RYR3: variants seen among roughly 807,000 people sequenced by gnomAD.
The protein encoded by RYR3 is brain ryanodine receptor-calcium release channel.
A neutral mutation model predicts 584.3 loss-of-function variants in RYR3; 207 were observed. The ratio of observed to expected loss-of-function variants is 0.35; its 90% CI spans 0.32 to 0.40. RYR3 has a LOEUF of 0.40. RYR3 is among the 10% of genes least tolerant of loss of function. The probability of loss-of-function intolerance (pLI) is 1.00; values close to 1 mark genes in which losing one functional copy is unlikely to be tolerated. For synonymous variants in RYR3, 2,416 were observed against 2,248.5 expected, an observed-to-expected ratio of 1.07 and a Z score of -2.11; for missense variants, 5,616 against 6,089.2, an observed-to-expected ratio of 0.92 and a Z score of 2.59.
At chr15:33,787,133 T>C (rs2152911009) in intron 66 of RYR3, among the ~76,000 whole-genome samples, 1 of 152,348 alleles carries the variant, frequency 6.6e-6, no homozygotes, top group South Asian at 2.1e-4. Flanking sequence ...CGGCCTGTTA[T>C]TCCACAGGTG....
At chr15:33,316,884 CT>C (rs1440630461) in intron 1 of RYR3, among the ~76,000 whole-genome samples, 1 of 152,224 alleles carries the variant, frequency 6.6e-6, no homozygotes, top group East Asian at 1.9e-4. Context: ...CATCCCAGAG[CT>C]GTTGGACAGC....
chr15:33,467,200 G>A (rs2048559127), intron 1 of RYR3, among the ~76,000 whole-genome samples: 2 of 152,210 alleles, frequency 1.3e-5, no homozygotes, highest in South Asian at 4.1e-4. Flanking sequence ...ATTTTCCTCT[G>A]CAGTAATAAT....
chr15:33,800,973 C>T, intron 68 of RYR3, 116 bp downstream of exon 68: 4 of 759,542 alleles, frequency 5.3e-6, no homozygotes, highest in South Asian at 1.6e-5. Flanking sequence ...TTCTGAGCCA[C>T]ATGTGAGGAC....
intron 1 of RYR3, among the ~76,000 whole-genome samples, chr15:33,361,719 A>G (rs1264764652): frequency 1.3e-5 from 2 of 152,224 alleles, no homozygotes; most frequent in African/African-American, 4.8e-5. Context: ...CACTGGGAGC[A>G]TCCTGGCTAA....
chr15:33,816,981 G>A (rs1473967517), intron 75 of RYR3, 23 bp downstream of exon 75: 1 of 1,389,586 alleles, frequency 7.2e-7, no homozygotes. Flanking sequence ...TCCCCTGGGA[G>A]CAGATATGAG....
chr15:33,323,298 C>G (rs763496730), intron 1 of RYR3, among the ~76,000 whole-genome samples: 12 of 147,392 alleles, frequency 8.1e-5, no homozygotes, highest in African/African-American at 3.2e-4. Flanking sequence ...TTAGTAGAGA[C>G]GGGGTTTCAC....
chr15:33,786,048 C>T, intron 66 of RYR3, 66 bp downstream of exon 66: 4 of 1,306,392 alleles, frequency 3.1e-6, no homozygotes, highest in Non-Finnish European at 4.2e-6. Context: ...TTTTTCATCT[C>T]TATTATTAAT....
chr15:33,454,740 G>A (rs944747904), intron 1 of RYR3, among the ~76,000 whole-genome samples: 12 of 152,146 alleles, frequency 7.9e-5, no homozygotes, highest in African/African-American at 2.9e-4. Flanking sequence ...TAGGCCAAAA[G>A]AACAGCATAT....
chr15:33,372,586 C>T (rs972488999), intron 1 of RYR3, among the ~76,000 whole-genome samples: 4 of 151,984 alleles, frequency 2.6e-5, no homozygotes, highest in African/African-American at 9.7e-5. Context: ...AGGATGGTCT[C>T]AGTCTCCTGA....
At chr15:33,610,513 G>T (rs918804383) in intron 18 of RYR3, among the ~76,000 whole-genome samples, 1 of 152,146 alleles carries the variant, frequency 6.6e-6, no homozygotes, top group Non-Finnish European at 1.5e-5. Flanking sequence ...ACTGCCTGTG[G>T]AAGAGTGGGA....
intron 1 of RYR3, among the ~76,000 whole-genome samples, chr15:33,402,531 T>C (rs1253371628): frequency 1.3e-5 from 2 of 152,256 alleles, no homozygotes; most frequent in Non-Finnish European, 2.9e-5. Flanking sequence ...ATATTCTTTA[T>C]TCATCAGTTT....
At chr15:33,569,128 C>T (rs994934870) in intron 12 of RYR3, among the ~76,000 whole-genome samples, 3 of 152,114 alleles carry the variant, frequency 2.0e-5, no homozygotes, top group African/African-American at 7.2e-5. Flanking sequence ...TGATAGTTTC[C>T]ATTTTGATTA....
At position 33,541,291 on chromosome 15, in the gene RYR3, T is replaced by C. The variant is rs1219471363; in HGVS notation, c.646+401T>C. ...GTGACATGGTTTATATTTCTCCTTA[T>C]GCATCTCTCCATGCAGGCGAAGCAC... On this transcript the variant is annotated intron_variant, in intron 7 of 103. Coordinates refer to ENST00000634891, the MANE Select transcript of RYR3 (RefSeq NM_001036.6). Among the ~76,000 whole-genome samples the C allele has an allele frequency of 4.6e-5, 7 of 152,288 alleles. No homozygotes were observed. In the South Asian group the frequency reaches 1.5e-3, roughly 32 times the overall value.
At chr15:33,411,523 A>C (rs1271271786) in intron 1 of RYR3, among the ~76,000 whole-genome samples, 1 of 152,232 alleles carries the variant, frequency 6.6e-6, no homozygotes, top group East Asian at 1.9e-4. Context: ...CGGTGAAGAA[A>C]TTGTGCCACC....
At chr15:33,670,338 C>A (rs2063769987) in intron 37 of RYR3, 81 bp from the exon 38 acceptor site, 1 of 1,423,712 alleles carries the variant, frequency 7.0e-7, no homozygotes, top group Non-Finnish European at 9.7e-7. Context: ...GGATGGGAAG[C>A]AGTTTTTTAA....
intron 27 of RYR3, among the ~76,000 whole-genome samples, chr15:33,637,926 A>C (rs1372997232): frequency 6.6e-6 from 1 of 152,096 alleles, no homozygotes; most frequent in African/African-American, 2.4e-5. Context: ...AACATTAGCT[A>C]TATCTCCTAA....
intron 16 of RYR3, among the ~76,000 whole-genome samples, chr15:33,600,802 C>G (rs1157702557): frequency 6.6e-6 from 1 of 152,146 alleles, no homozygotes; most frequent in East Asian, 1.9e-4. Context: ...AGGAGATTCC[C>G]AAGCTTGCTA....
At chr15:33,807,763 G>A (rs1596707459) in intron 70 of RYR3, 194 bp downstream of exon 70, 2 of 608,192 alleles carry the variant, frequency 3.3e-6, no homozygotes, top group South Asian at 2.0e-5. Context: ...TTGGAATGGG[G>A]AAGCCGGGGA....
intron 50 of RYR3, 80 bp downstream of exon 50, chr15:33,738,670 T>G: frequency 6.7e-7 from 1 of 1,499,420 alleles, no homozygotes; most frequent in Non-Finnish European, 9.2e-7. Context: ...GTCATCTGTT[T>G]AGCATTCCAT....
Sources: gnomAD v4.1 joint callset for allele counts (sites outside exome capture counted in the v4.1 genomes callset) on GRCh38, gnomAD v4.1.1 for gene constraint, MANE v1.5 for transcripts, NCBI Gene and HGNC (gene_info 2026-07-23, HGNC 2026-07-21) for gene names.